BNC2: variants seen among roughly 807,000 people sequenced by gnomAD.
BNC2 encodes basonuclin zinc finger protein 2, also known as zinc finger protein basonuclin-2.
BNC2 carries 20 observed loss-of-function variants against 76.3 expected under a neutral mutation model. The observed-to-expected ratio is 0.26, with a 90% CI of 0.18 to 0.38. The LOEUF (loss-of-function observed/expected upper bound fraction) is 0.38. Ranked by LOEUF, BNC2 falls within the 10% of genes least tolerant of loss-of-function variation. The probability of loss-of-function intolerance (pLI) is 1.00; values close to 1 mark genes in which losing one functional copy is unlikely to be tolerated. For missense variants in BNC2, 1,382 were observed against 1,399.8 expected (o/e 0.99, Z 0.20); for synonymous variants, 582 against 514.8 (o/e 1.13, Z -1.77).
intron 4 of BNC2, among the ~76,000 whole-genome samples, chr9:16,571,048 T>C (rs771466159): frequency 6.6e-6 from 1 of 152,136 alleles, no homozygotes; most frequent in Admixed American, 6.6e-5. Flanking sequence ...CAATACAAAT[T>C]GTAAAATGTA....
chr9:16,455,568 A>C (rs1233706831), intron 5 of BNC2, among the ~76,000 whole-genome samples: 2 of 152,222 alleles, frequency 1.3e-5, no homozygotes, highest in Non-Finnish European at 2.9e-5. Flanking sequence ...AGGCAGGTGG[A>C]TCACCTGAGG....
intron 1 of BNC2, among the ~76,000 whole-genome samples, chr9:16,866,941 T>C (rs1012383321): frequency 2.6e-5 from 4 of 152,304 alleles, no homozygotes; most frequent in East Asian, 1.9e-4. Context: ...AGGATGTAGA[T>C]GGTAAATGAG....
chr9:16,643,030 C>G (rs914141072), intron 3 of BNC2, among the ~76,000 whole-genome samples: 1 of 152,144 alleles, frequency 6.6e-6, no homozygotes, highest in African/African-American at 2.4e-5. Context: ...GCCAGGCCAA[C>G]AGTAAGTGCT....
In BNC2 at chr9:16,788,336, G is replaced by T. The variant is rs78435404; in HGVS notation, c.4-49851C>A. ...TGGGAGGCCAAGGTGGGCAGATCAT[G>T]AAGTCAGGAGATCGAGACCATCCTG... On this transcript the variant is annotated intron_variant, in intron 1 of 6. Coordinates refer to ENST00000380672, the MANE Select transcript of BNC2 (RefSeq NM_017637.6). Among the ~76,000 whole-genome samples the T allele has an allele frequency of 3.3e-3, 497 of 151,192 alleles. 14 individuals carry two copies. The East Asian group carries it at 0.068, about 21-fold the overall frequency.
chr9:16,811,779 G>A (rs1262071750), intron 1 of BNC2, among the ~76,000 whole-genome samples: 1 of 152,134 alleles, frequency 6.6e-6, no homozygotes, highest in Admixed American at 6.5e-5. Context: ...AGGAAAAGAA[G>A]AGCCCCTAGT....
intron 5 of BNC2, among the ~76,000 whole-genome samples, chr9:16,481,320 G>A (rs564538471): frequency 2.0e-5 from 3 of 150,970 alleles, no homozygotes; most frequent in South Asian, 2.1e-4. Flanking sequence ...CAACCCGCTC[G>A]GGTCCCCTTC....
intron 5 of BNC2, among the ~76,000 whole-genome samples, chr9:16,452,461 C>T (rs1288459116): frequency 1.3e-5 from 2 of 152,102 alleles, no homozygotes; most frequent in Non-Finnish European, 2.9e-5. Flanking sequence ...CTTTCTCTGT[C>T]GCCCAGGCTG....
intron 1 of BNC2, among the ~76,000 whole-genome samples, chr9:16,748,440 G>C (rs1563925323): frequency 6.6e-6 from 1 of 152,152 alleles, no homozygotes; most frequent in Non-Finnish European, 1.5e-5. Flanking sequence ...CTGAGCCCGG[G>C]GTGGTCGAGG....
At chr9:16,496,962 T>A (rs1378278907) in intron 5 of BNC2, among the ~76,000 whole-genome samples, 1 of 152,242 alleles carries the variant, frequency 6.6e-6, no homozygotes, top group African/African-American at 2.4e-5. Context: ...GCAGTACTAC[T>A]ACCATCATCA....
chr9:16,688,789 C>A (rs1004685211), intron 3 of BNC2, among the ~76,000 whole-genome samples: 1 of 152,122 alleles, frequency 6.6e-6, no homozygotes, highest in African/African-American at 2.4e-5. Context: ...ATGTAAATTT[C>A]ATTATCTTAG....
At chr9:16,746,641 A>G (rs111883037) in intron 1 of BNC2, among the ~76,000 whole-genome samples, 7,262 of 150,816 alleles carry the variant, frequency 0.048, 602 homozygotes, top group African/African-American at 0.17. Flanking sequence ...CTGGGATTGC[A>G]GGCGTGAACA....
At chr9:16,785,645 G>T (rs998178627) in intron 1 of BNC2, among the ~76,000 whole-genome samples, 2 of 144,700 alleles carry the variant, frequency 1.4e-5, no homozygotes, top group Non-Finnish European at 3.0e-5. Flanking sequence ...TGATCGGCCC[G>T]CCTCGGCCTC....
At chr9:16,697,977 A>G (rs1301332285) in intron 3 of BNC2, among the ~76,000 whole-genome samples, 1 of 152,180 alleles carries the variant, frequency 6.6e-6, no homozygotes, top group Non-Finnish European at 1.5e-5. Context: ...TTTTCATCCC[A>G]AATTAGTTTC....
chr9:16,513,331 G>A (rs1292488125), intron 5 of BNC2, among the ~76,000 whole-genome samples: 6 of 116,744 alleles, frequency 5.1e-5, no homozygotes, highest in Non-Finnish European at 6.7e-5. Flanking sequence ...TTTTGAGACA[G>A]AGTCTCGCTC....
intron 3 of BNC2, among the ~76,000 whole-genome samples, chr9:16,663,976 G>C (rs73645839): frequency 0.028 from 4,252 of 152,220 alleles, 215 homozygotes; most frequent in African/African-American, 0.098. Flanking sequence ...TAAGCCCCTG[G>C]CAAGAAAAGG....
intron 1 of BNC2, among the ~76,000 whole-genome samples, chr9:16,840,000 T>C (rs1340891154): frequency 6.6e-6 from 1 of 152,208 alleles, no homozygotes; most frequent in East Asian, 1.9e-4. Context: ...CCTTTACCAA[T>C]CTATCAATAT....
intron 3 of BNC2, among the ~76,000 whole-genome samples, chr9:16,647,018 A>G (rs1821648514): frequency 6.6e-6 from 1 of 152,166 alleles, no homozygotes; most frequent in Admixed American, 6.5e-5. Flanking sequence ...TAAAAGTATT[A>G]CATGTGGGGG....
chr9:16,617,795 T>TG (rs1355175844), intron 3 of BNC2, among the ~76,000 whole-genome samples: 6 of 152,186 alleles, frequency 3.9e-5, no homozygotes, highest in Non-Finnish European at 8.8e-5. Context: ...TCCTCACAAT[T>TG]AACTTCAGCT....
intron 6 of BNC2, among the ~76,000 whole-genome samples, chr9:16,424,841 A>C (rs1820774256): frequency 6.6e-6 from 1 of 152,224 alleles, no homozygotes; most frequent in African/African-American, 2.4e-5. Flanking sequence ...GGATTGCTAC[A>C]ACACTATCTA....
Sources: allele counts gnomAD v4.1 joint callset (sites outside exome capture counted in the v4.1 genomes callset), GRCh38; gene constraint gnomAD v4.1.1; transcripts MANE v1.5; gene names NCBI Gene and HGNC (gene_info 2026-07-23, HGNC 2026-07-21).